BICD1: variants seen among roughly 807,000 people sequenced by gnomAD.
The protein encoded by BICD1 is protein bicaudal D homolog 1.
Under a neutral mutation model 92.5 loss-of-function variants are expected in BICD1, and 35 were observed. The ratio of observed to expected loss-of-function variants is 0.38; its 90% confidence interval spans 0.29 to 0.50. BICD1 has a LOEUF of 0.50. Among genes scored for constraint, BICD1 ranks in the 20% least tolerant of loss-of-function variants. BICD1 has a pLI of 0.93. For synonymous variants in BICD1, 429 were observed against 465.1 expected, an observed-to-expected ratio of 0.92 and a Z score of 1.00; for missense variants, 950 against 1,189.8, an observed-to-expected ratio of 0.80 and a Z score of 2.97.
chr12:32,158,168 C>A (rs537939548), intron 1 of BICD1, among the ~76,000 whole-genome samples: 1 of 145,532 alleles, frequency 6.9e-6, no homozygotes, highest in African/African-American at 2.5e-5. Context: ...TGCAGTGGTG[C>A]AATCTCAGCT....
chr12:32,183,046 T>C (rs1440682732), intron 1 of BICD1, among the ~76,000 whole-genome samples: 2 of 151,516 alleles, frequency 1.3e-5, no homozygotes, highest in East Asian at 3.9e-4. Context: ...TGTGCACCAG[T>C]GCACTCAGCT....
At chr12:32,211,208 A>G (rs2121549821) in intron 1 of BICD1, among the ~76,000 whole-genome samples, 1 of 152,338 alleles carries the variant, frequency 6.6e-6, no homozygotes, top group Non-Finnish European at 1.5e-5. Context: ...TTGCTATTTC[A>G]AGTAAAAAAC....
intron 1 of BICD1, among the ~76,000 whole-genome samples, chr12:32,147,358 A>G (rs763318211): frequency 1.6e-4 from 25 of 152,216 alleles, no homozygotes; most frequent in Non-Finnish European, 3.2e-4. Context: ...TCTAAAATCC[A>G]CAACGCTCAT....
At chr12:32,130,208 A>AAT (rs1942491491) in intron 1 of BICD1, among the ~76,000 whole-genome samples, 1 of 147,334 alleles carries the variant, frequency 6.8e-6, no homozygotes, top group Non-Finnish European at 1.5e-5. Context: ...CAGTGACAAA[A>AAT]TTTTTTTTTT....
chr12:32,303,030 G>A (rs1948104589), intron 3 of BICD1, among the ~76,000 whole-genome samples: 1 of 144,290 alleles, frequency 6.9e-6, no homozygotes, highest in Non-Finnish European at 1.5e-5. Context: ...ACCTCCCTGG[G>A]CCCGAGTGAT....
Position 32,346,575 on chromosome 12 carries a change from TATATATAC to T in BICD1, c.2764+7597_2764+7604del, listed in dbSNP as rs1565687167. Among the ~76,000 whole-genome samples the T allele has an allele frequency of 1.0e-3, 41 of 40,170 alleles. 3 individuals carry two copies. The highest frequency in any genetic ancestry group is 1.4e-3 in the East Asian group (1 of 712). 26.4% of individuals were successfully genotyped at this position (40,170 alleles called of 152,430 possible). A position where few individuals can be genotyped will look rare whatever the true frequency, so the allele number is the denominator to read the frequency against. Reference sequence around the variant, plus strand: ...ATATATATATATATATATATATATATATATATACGTGTATATATATATATATATATATA... The same window carrying T: ...ATATATATATATATATATATATATATGTGTATATATATATATATATATATA... On this transcript the variant is annotated intron_variant, in intron 8 of 9. Coordinates refer to ENST00000652176, the MANE Select transcript of BICD1 (RefSeq NM_001714.4).
intron 1 of BICD1, among the ~76,000 whole-genome samples, chr12:32,148,846 C>T (rs544568239): frequency 6.6e-6 from 1 of 152,018 alleles, no homozygotes; most frequent in South Asian, 2.1e-4. Context: ...ATGGTGAAAC[C>T]CTGTCTCTAC....
rs1185296012 is a variant in BICD1 at position 32,374,981 on chromosome 12, C to T, written c.2841-2559C>T. Reference sequence around the variant, plus strand: ...TCGTCCAGGCTGGAGTGCAATGGCGCGATCTCGGCTCACTGCAAGCTCCGC... The same window carrying T: ...TCGTCCAGGCTGGAGTGCAATGGCGTGATCTCGGCTCACTGCAAGCTCCGC... On this transcript the variant is annotated intron_variant, in intron 9 of 9. Coordinates refer to ENST00000652176, the MANE Select transcript of BICD1 (RefSeq NM_001714.4). Among the ~76,000 whole-genome samples, 3 of 49,542 alleles carry T rather than the reference C, an allele frequency of 6.1e-5. No homozygotes were observed. In the East Asian group the frequency reaches 2.4e-3, roughly 40 times the overall value. 32.5% of individuals were successfully genotyped at this position (49,542 alleles called of 152,430 possible). A position where few individuals can be genotyped will look rare whatever the true frequency, so the allele number is the denominator to read the frequency against.
rs773283133 is a variant in BICD1, at chr12:32,108,669, C to T, written c.213+1125C>T. 5.7e-6 allele frequency: 4 copies of T among 698,424 alleles called. No individual in the cohort carries two copies. The South Asian group carries it at 6.0e-5, about 10-fold the overall frequency. 43.3% of individuals were successfully genotyped at this position (698,424 alleles called of 1,614,324 possible). A position where few individuals can be genotyped will look rare whatever the true frequency, so the allele number is the denominator to read the frequency against. On this transcript the variant is annotated intron_variant, in intron 1 of 9. Coordinates refer to ENST00000652176, the MANE Select transcript of BICD1 (RefSeq NM_001714.4). ...GTTAAAAGATGTGATTTATGACATA[C>T]TGAATCAACTTGCCTTCCAATTTAG...
rs144678201 is a variant in BICD1 at position 32,288,283 on chromosome 12, G to A, written c.427-5711G>A. On this transcript the variant is annotated intron_variant, in intron 2 of 9. Transcript: ENST00000652176. ...GTCTCACTCTGTAGCCCAGGCTGGAGTGTAGTGGCATGATCATGGCTCACT... is the reference window on the plus strand; with the variant it reads ...GTCTCACTCTGTAGCCCAGGCTGGAATGTAGTGGCATGATCATGGCTCACT... Among the ~76,000 whole-genome samples the A allele has an allele frequency of 5.3e-3, 763 of 144,752 alleles. 6 individuals are homozygous for A. The highest frequency in any genetic ancestry group is 0.019 in the African/African-American group (708 of 38,160). 95.0% of individuals were successfully genotyped at this position (144,752 alleles called of 152,430 possible).
chr12:32,280,328 G>C (rs1431453014), intron 2 of BICD1, among the ~76,000 whole-genome samples: 1 of 152,156 alleles, frequency 6.6e-6, no homozygotes, highest in Non-Finnish European at 1.5e-5. Flanking sequence ...AAGACCCAAA[G>C]AAGTGACCAG....
intron 1 of BICD1, among the ~76,000 whole-genome samples, chr12:32,167,544 C>T (rs1171660345): frequency 1.3e-5 from 2 of 152,054 alleles, no homozygotes; most frequent in Non-Finnish European, 2.9e-5. Context: ...CAACCTCTGC[C>T]TCCTGGGTTC....
At chr12:32,182,465 TAG>T (rs1318689845) in intron 1 of BICD1, among the ~76,000 whole-genome samples, 1 of 151,474 alleles carries the variant, frequency 6.6e-6, no homozygotes, top group East Asian at 1.9e-4. Flanking sequence ...GTATTTTTAG[TAG>T]AGATGGGCTT....
At chr12:32,282,199 C>CTTTTTTTTTT (rs1565639578) in intron 2 of BICD1, among the ~76,000 whole-genome samples, 1 of 68,992 alleles carries the variant, frequency 1.4e-5, no homozygotes. Context: ...TTCAGGTCTT[C>CTTTTTTTTTT]TTCTTTTTTT....
chr12:32,315,607 T>A (rs918284018), intron 4 of BICD1, among the ~76,000 whole-genome samples: 2 of 152,230 alleles, frequency 1.3e-5, no homozygotes, highest in Admixed American at 6.5e-5. Flanking sequence ...AGGGGCTGTT[T>A]ATCCCTTTAT....
chr12:32,309,632 A>G (rs1948322913), intron 4 of BICD1, among the ~76,000 whole-genome samples: 1 of 152,152 alleles, frequency 6.6e-6, no homozygotes, highest in South Asian at 2.1e-4. Context: ...AATCAAGTGA[A>G]TTATGATAAA....
intron 4 of BICD1, among the ~76,000 whole-genome samples, chr12:32,318,783 G>T (rs1050431291): frequency 2.6e-5 from 4 of 152,222 alleles, no homozygotes; most frequent in African/African-American, 7.2e-5. Flanking sequence ...GATCCTGGGA[G>T]GCGGAGGTTG....
intron 1 of BICD1, among the ~76,000 whole-genome samples, chr12:32,114,310 A>G (rs1007044636): frequency 5.3e-5 from 8 of 152,140 alleles, no homozygotes; most frequent in Non-Finnish European, 1.0e-4. Flanking sequence ...GCCCAGCCAC[A>G]TAAGTCCTTT....
chr12:32,180,362 C>T (rs1169725222), intron 1 of BICD1, among the ~76,000 whole-genome samples: 3 of 151,770 alleles, frequency 2.0e-5, no homozygotes, highest in African/African-American at 7.3e-5. Context: ...CTTAAACTTC[C>T]ATCAAAAGGG....
Sources: allele counts gnomAD v4.1 joint callset (sites outside exome capture counted in the v4.1 genomes callset), GRCh38; gene constraint gnomAD v4.1.1; transcripts MANE v1.5; gene names NCBI Gene and HGNC (gene_info 2026-07-23, HGNC 2026-07-21).